TCIRG1: variants seen among roughly 807,000 people sequenced by gnomAD.
TCIRG1 encodes the protein T cell immune regulator 1, ATPase H+ transporting V0 subunit a3.
In TCIRG1, 86 loss-of-function variants were observed where a neutral mutation model predicts 95.5. That is an observed-to-expected ratio of 0.90 (90% CI 0.76 to 1.08). The LOEUF is 1.08. Ranked by LOEUF, TCIRG1 falls within the 50% of genes least tolerant of loss-of-function variation. TCIRG1 has a pLI of 0.00. For synonymous variants in TCIRG1, 499 were observed against 501.3 expected, an observed-to-expected ratio of 1.00 and a Z score of 0.06; for missense variants, 1,069 against 1,140.2, an observed-to-expected ratio of 0.94 and a Z score of 0.90.
At chr11:68,040,758 A>T (rs932825657) in intron 1 of TCIRG1, among the ~76,000 whole-genome samples, 1 of 152,056 alleles carries the variant, frequency 6.6e-6, no homozygotes, top group Non-Finnish European at 1.5e-5. Context: ...GCCTCAGGGG[A>T]CAGCCCCCCC....
At chr11:68,042,592 A>G in intron 3 of TCIRG1, 51 bp from the exon 4 acceptor site, 6 of 1,451,778 alleles carry the variant, frequency 4.1e-6, no homozygotes, top group Non-Finnish European at 5.7e-6. Context: ...TGGGGCCCTC[A>G]ACTGTTGAGA....
Position 68,044,199 on chromosome 11 carries a change from G to A in TCIRG1, c.875G>A (p.Gly292Glu). The change falls in exon 9 of 20, where the codon GGG becomes GAG. Residue 292 changes from glycine to glutamate, a missense_variant. By Grantham distance (98) the Gly-to-Glu change is moderately conservative. Coordinates refer to ENST00000265686, the MANE Select transcript of TCIRG1 (RefSeq NM_006019.4). ...LGRVLQLLPP[G>E]QVQVHKMKAV... ...CGGGTGCTGCAGCTGCTGCCGCCAG[G>A]GCAGGTGCAGGTCCACAAGATGAAG... 2 of 1,561,766 alleles carry A rather than the reference G, an allele frequency of 1.3e-6. No individual in the cohort carries two copies.
intron 16 of TCIRG1, 40 bp downstream of exon 16, chr11:68,049,828 G>A (rs761180772): frequency 2.6e-6 from 4 of 1,557,848 alleles, no homozygotes; most frequent in Admixed American, 1.9e-5. Context: ...TGCTTGCGGG[G>A]AGAGGCCACT....
Position 68,050,648 on chromosome 11 carries a change from G to A in TCIRG1, c.2398G>A (p.Ala800Thr), listed in dbSNP as rs764312517. 52 of 1,613,320 alleles carry A rather than the reference G, an allele frequency of 3.2e-5. No homozygotes were observed. The South Asian group carries it at 5.1e-4, about 16-fold the overall frequency. Residue 800 changes from alanine (A) to threonine (T), a missense_variant, in exon 19 of 20, where the codon GCC becomes ACC. Physicochemically the swap from Ala to Thr is moderately conservative, Grantham distance 58. Coordinates refer to ENST00000265686, the MANE Select transcript of TCIRG1 (RefSeq NM_006019.4). Reference sequence around the variant, plus strand: ...GGAGGGACTCTCAGCCTTCCTGCACGCCCTGCGGCTGCACTGGTGAGCGAC... The same window carrying A: ...GGAGGGACTCTCAGCCTTCCTGCACACCCTGCGGCTGCACTGGTGAGCGAC... ...VMEGLSAFLH[A>T]LRLHWVEFQN...
chr11:68,047,820 C>T lies in TCIRG1; in HGVS notation c.1463+16C>T. On this transcript the variant is annotated intron_variant, in intron 12 of 19. Coordinates refer to ENST00000265686, the MANE Select transcript of TCIRG1 (RefSeq NM_006019.4). ...CTGGCTGGAGGTGAGGCCCGGGCCCCAGCCCGGCTGGGGGCCCCGCAGCAC... is the reference window on the plus strand; with the variant it reads ...CTGGCTGGAGGTGAGGCCCGGGCCCTAGCCCGGCTGGGGGCCCCGCAGCAC... The T allele has an allele frequency of 1.2e-6, 2 of 1,612,286 alleles. No homozygotes were observed. The highest frequency in any genetic ancestry group is 4.5e-5 in the East Asian group (2 of 44,852).
intron 7 of TCIRG1, 30 bp downstream of exon 7, chr11:68,043,683 C>A: frequency 6.3e-7 from 1 of 1,576,820 alleles, no homozygotes; most frequent in East Asian, 2.3e-5. Flanking sequence ...CGCCCCACCG[C>A]CCTGCTCCCC....
At position 68,044,365 on chromosome 11, in the gene TCIRG1, C is replaced by A. The variant is rs1466417890; in HGVS notation, c.1020+21C>A. ...GCTCGGTGAGCAGCCTGAGGCCTCG[C>A]CCCCTCTCCGCCCGCCCCTCCTACC... On this transcript the variant is annotated intron_variant, in intron 9 of 19. Coordinates refer to ENST00000265686, the MANE Select transcript of TCIRG1 (RefSeq NM_006019.4). The A allele has an allele frequency of 3.9e-6, 6 of 1,534,180 alleles. No individual in the cohort carries two copies. The Admixed American group carries it at 7.8e-5, about 20-fold the overall frequency.
intron 16 of TCIRG1, 39 bp downstream of exon 16, chr11:68,049,827 G>A: frequency 6.4e-7 from 1 of 1,558,242 alleles, no homozygotes. Flanking sequence ...CTGCTTGCGG[G>A]GAGAGGCCAC....
intron 5 of TCIRG1, 44 bp downstream of exon 5, chr11:68,043,075 C>G: frequency 6.5e-7 from 1 of 1,548,954 alleles, no homozygotes; most frequent in Non-Finnish European, 8.7e-7. Context: ...CAGCCCAGAA[C>G]CCCTGGCCAG....
Position 68,047,665 on chromosome 11 carries a change from A to C in TCIRG1, c.1324A>C (p.Arg442=), listed in dbSNP as rs1855571756. The C allele has an allele frequency of 1.2e-6, 2 of 1,613,246 alleles. No homozygotes were observed. Among genetic ancestry groups the C allele is most frequent in the Non-Finnish European group, 1.7e-6 (2 of 1,179,980 alleles). The change falls in exon 12 of 20, where the codon AGG becomes CGG. Residue 442 remains arginine, a synonymous_variant. Coordinates refer to ENST00000265686, the MANE Select transcript of TCIRG1 (RefSeq NM_006019.4). ...CCCCCAGATCTGGCAGACTTTCTTC[A>C]GGGGCCGCTACCTGCTCCTGCTTAT... is the stretch of plus-strand genomic sequence containing the variant. ...AQNEIWQTFF[R]GRYLLLLMGL...
chr11:68,039,222 T>G (rs1855046943), intron 1 of TCIRG1, 103 bp downstream of exon 1: 3 of 152,194 alleles, frequency 2.0e-5, no homozygotes, highest in Non-Finnish European at 2.9e-5. Context: ...GTTGGCTCCG[T>G]GAATGCAGCT....
chr11:68,043,938 G>A (rs961401704), intron 8 of TCIRG1, 31 bp downstream of exon 8: 1 of 1,513,338 alleles, frequency 6.6e-7, no homozygotes, highest in Non-Finnish European at 8.9e-7. Flanking sequence ...GGAGGCGGGT[G>A]TAGGAGGTGG....
chr11:68,047,306 C>A, intron 10 of TCIRG1, 127 bp from the exon 11 acceptor site: 1 of 750,330 alleles, frequency 1.3e-6, no homozygotes, highest in Non-Finnish European at 2.0e-6. Context: ...CAGGCATGAG[C>A]CACTGTGCCT....
chr11:68,042,034 G>A lies in TCIRG1; in HGVS notation c.196+203G>A, dbSNP rs114996483. ...GGCTGCCTTGTGTGGGCTGAGCAGA[G>A]GGCCTAGGGCAGGGCTGGCTGGGGA... On this transcript the variant is annotated intron_variant, in intron 3 of 19. Coordinates refer to ENST00000265686, the MANE Select transcript of TCIRG1 (RefSeq NM_006019.4). Among the ~76,000 whole-genome samples, 614 of 152,354 alleles carry A rather than the reference G, an allele frequency of 4.0e-3. 6 individuals carry two copies. The highest frequency in any genetic ancestry group is 0.014 in the African/African-American group (594 of 41,594).
downstream of TCIRG1, chr11:68,052,493 CTTCA>C (rs1234004385): frequency 1.3e-5 from 2 of 152,222 alleles, no homozygotes; most frequent in Non-Finnish European, 2.9e-5. Flanking sequence ...ACCTTTACTG[CTTCA>C]TTCAGTTTGG....
chr11:68,041,468 C>T (rs902167110), intron 2 of TCIRG1, 80 bp downstream of exon 2: 5 of 1,089,592 alleles, frequency 4.6e-6, no homozygotes, highest in Admixed American at 1.8e-5. Context: ...GGACTGCCCC[C>T]CCTCCGCCAT....
Position 68,048,891 on chromosome 11 carries a change from G to C in TCIRG1, c.1567G>C (p.Ala523Pro). The change falls in exon 14 of 20, where the codon GCT becomes CCT. Residue 523 changes from alanine to proline, a missense_variant. Ala to Pro is a conservative substitution (Grantham distance 27). Coordinates refer to ENST00000265686, the MANE Select transcript of TCIRG1 (RefSeq NM_006019.4). ...PFGIDPIWSL[A>P]ANHLSFLNSF... ...GCTGCCACCCTAGATTTGGAGCCTG[G>C]CTGCCAACCACTTGAGCTTCCTCAA... 4 of 1,611,672 alleles carry C rather than the reference G, an allele frequency of 2.5e-6. No individual in the cohort carries two copies. Among genetic ancestry groups the C allele is most frequent in the Non-Finnish European group, 3.4e-6 (4 of 1,179,904 alleles).
chr11:68,041,755 C>A lies in TCIRG1; in HGVS notation c.120C>A (p.Leu40=). 6.2e-7 allele frequency: 1 copy of A among 1,608,178 alleles called. No individual in the cohort carries two copies. Among genetic ancestry groups the A allele is most frequent in the Non-Finnish European group, 8.5e-7 (1 of 1,177,640 alleles). The change falls in exon 3 of 20, where the codon CTC becomes CTA. Residue 40 remains leucine, a splice_region_variant and synonymous_variant. Transcript: ENST00000265686. ...ACCCCTCCGTGTGGCACCCACAGCT[C>A]AACGCCTCGGTGAGCGCCTTCCAGA... ...GELGLVEFRD[L]NASVSAFQRR...
At chr11:68,050,917 CT>C, downstream of TCIRG1, 1 of 1,382,302 alleles carries the variant, frequency 7.2e-7, no homozygotes. Flanking sequence ...TCTCTCTTCC[CT>C]CCTTTTTAGC....
Sources: gnomAD v4.1 joint callset for allele counts (sites outside exome capture counted in the v4.1 genomes callset) on GRCh38, gnomAD v4.1.1 for gene constraint, MANE v1.5 for transcripts, NCBI Gene and HGNC (gene_info 2026-07-23, HGNC 2026-07-21) for gene names.